SCN10A: variants seen among roughly 807,000 people sequenced by gnomAD.
The protein encoded by SCN10A is sodium channel protein type 10 subunit alpha.
In SCN10A, 162 loss-of-function variants were observed where a neutral mutation model predicts 170.7. The observed-to-expected ratio is 0.95, with a 90% CI of 0.84 to 1.08. The LOEUF is 1.08. SCN10A is among the 50% of genes least tolerant of loss of function. The pLI is 0.00. For synonymous variants in SCN10A, 985 were observed against 904.6 expected, an observed-to-expected ratio of 1.09 and a Z score of -1.59; for missense variants, 2,527 against 2,436.9, an observed-to-expected ratio of 1.04 and a Z score of -0.78.
rs767267531 is a variant in SCN10A, at chr3:38,698,155, T to C, written c.5065A>G (p.Arg1689Gly). Residue 1689 changes from arginine to glycine, a missense_variant, in exon 28 of 28, where the codon AGA becomes GGA. By Grantham distance (125) the Arg-to-Gly change is moderately radical. Transcript: ENST00000449082. Reference sequence around the variant, plus strand: ...ACGGCTGGGCTCCCACAGTCCCCTCTGGTGCCATTGCTGTTGGGCAGATTG... The same window carrying C: ...ACGGCTGGGCTCCCACAGTCCCCTCCGGTGCCATTGCTGTTGGGCAGATTG... ...DPNLPNSNGT[R>G]GDCGSPAVGI... 4 of 1,614,144 alleles carry C rather than the reference T, an allele frequency of 2.5e-6. No homozygotes were observed. Among genetic ancestry groups the C allele is most frequent in the African/African-American group, 2.7e-5 (2 of 75,024 alleles).
rs1453588625 is a variant in SCN10A at position 38,750,089 on chromosome 3, T to G, written c.1851A>C (p.Ile617=). 6.2e-7 allele frequency: 1 copy of G among 1,604,578 alleles called. No individual in the cohort carries two copies. The highest frequency in any genetic ancestry group is 1.1e-5 in the South Asian group (1 of 90,634). ...AQRAMSVVSI[I]TSVLEELEES... The stretch of plus-strand genomic sequence containing the variant: ...AGCACTTACCCTCAAGGACGGAGGT[T>G]ATGATACTGACAACACTCATTGCCC... Residue 617 remains isoleucine (I), a synonymous_variant, in exon 13 of 28, where the codon ATA becomes ATC. Coordinates refer to ENST00000449082, the MANE Select transcript of SCN10A (RefSeq NM_006514.4).
At chr3:38,778,802 G>T (rs1039664782) in intron 4 of SCN10A, among the ~76,000 whole-genome samples, 2 of 152,056 alleles carry the variant, frequency 1.3e-5, no homozygotes, top group African/African-American at 4.8e-5. Context: ...ATTTCAAAAA[G>T]AAAATCTAGT....
At chr3:38,734,953 G>C (rs1393419423) in intron 15 of SCN10A, among the ~76,000 whole-genome samples, 3 of 152,096 alleles carry the variant, frequency 2.0e-5, no homozygotes, top group African/African-American at 7.2e-5. Flanking sequence ...GGCAGATCAT[G>C]AGGTCAGGAG....
chr3:38,733,972 C>G (rs529879143), intron 15 of SCN10A, among the ~76,000 whole-genome samples: 3 of 151,702 alleles, frequency 2.0e-5, no homozygotes, highest in Non-Finnish European at 4.4e-5. Context: ...CGCCTGCCTG[C>G]GCCTCCAACA....
chr3:38,709,951 G>A (rs1339835940), intron 24 of SCN10A, among the ~76,000 whole-genome samples: 2 of 152,186 alleles, frequency 1.3e-5, no homozygotes, highest in African/African-American at 2.4e-5. Flanking sequence ...GGTAAGGGTT[G>A]CCCCTAGGGA....
At chr3:38,775,874 G>A (rs1417458378) in intron 4 of SCN10A, among the ~76,000 whole-genome samples, 2 of 152,088 alleles carry the variant, frequency 1.3e-5, no homozygotes, top group Non-Finnish European at 2.9e-5. Context: ...TATCTTACCA[G>A]CAGGAGTGCA....
At chr3:38,718,474 T>C (rs2063354847) in intron 21 of SCN10A, among the ~76,000 whole-genome samples, 179 bp downstream of exon 21, 1 of 152,260 alleles carries the variant, frequency 6.6e-6, no homozygotes, top group South Asian at 2.1e-4. Context: ...AGTCACATAC[T>C]GCCTGGACTT....
At chr3:38,708,701 A>G (rs1156595985) in intron 25 of SCN10A, among the ~76,000 whole-genome samples, 3 of 152,226 alleles carry the variant, frequency 2.0e-5, no homozygotes, top group Non-Finnish European at 4.4e-5. Context: ...ACCACAATCC[A>G]GAGAGTAGGT....
rs2063162396 is a variant in SCN10A, at chr3:38,702,070, G to T, written c.4426C>A (p.Gln1476Lys). 2 of 1,582,112 alleles carry T rather than the reference G, an allele frequency of 1.3e-6. No homozygotes were observed. The highest frequency in any genetic ancestry group is 1.8e-5 in the Admixed American group (1 of 54,946). ...QGFVFDIVTR[Q>K]AFDITIMVLI... ...ACCATGATGGTGATGTCAAAAGCTT[G>T]TCTGGTCACGATGTCAAAGACAAAA... Residue 1476 changes from glutamine to lysine, a missense_variant, in exon 27 of 28, where the codon CAA becomes AAA. By Grantham distance (53) the Gln-to-Lys change is moderately conservative. Transcript: ENST00000449082.
intron 15 of SCN10A, among the ~76,000 whole-genome samples, chr3:38,734,204 T>G (rs2063537827): frequency 6.6e-6 from 1 of 152,106 alleles, no homozygotes. Flanking sequence ...ATATTTTTAG[T>G]AGAGATGGGG....
intron 26 of SCN10A, among the ~76,000 whole-genome samples, chr3:38,704,320 T>G (rs1375569854): frequency 6.6e-6 from 1 of 152,204 alleles, no homozygotes; most frequent in Admixed American, 6.5e-5. Flanking sequence ...GCTGAGCCAC[T>G]AATCCCTTCC....
In SCN10A at chr3:38,752,481, C is replaced by T. The variant is rs372716583; in HGVS notation, c.1493G>A (p.Arg498Gln). 1.2e-4 allele frequency: 191 copies of T among 1,602,218 alleles called. 2 individuals are homozygous for T. The highest frequency in any genetic ancestry group is 5.1e-4 in the Admixed American group (30 of 58,748). ...ATGGAACACACTGCCATGACTAGCC[C>T]GGCGTTTTCCAGAGGCGAGGCCTAG... ...SFLGLASGKR[R>Q]ASHGSVFHFR... Residue 498 changes from arginine to glutamine, a missense_variant, in exon 12 of 28, where the codon CGG (arginine) becomes CAG (glutamine). Coordinates refer to ENST00000449082, the MANE Select transcript of SCN10A (RefSeq NM_006514.4).
intron 20 of SCN10A, among the ~76,000 whole-genome samples, chr3:38,720,460 G>A (rs1480760409): frequency 2.6e-5 from 4 of 152,090 alleles, no homozygotes; most frequent in Non-Finnish European, 5.9e-5. Flanking sequence ...GGAAATGGAT[G>A]ATTTTTTTTT....
chr3:38,771,370 T>A lies in SCN10A; in HGVS notation c.508A>T (p.Ile170Leu). Residue 170 changes from isoleucine (I) to leucine (L), a missense_variant, in exon 5 of 28, where the codon ATA (isoleucine) becomes TTA (leucine). Physicochemically the swap from Ile to Leu is conservative, Grantham distance 5. Transcript: ENST00000449082. ...FTVIYTFEAL[I>L]KILARGFCLN... ...CAAAATCCTCTTGCCAGTATCTTTA[T>A]CAAGGCTTCAAAGGTGTAAATGACA... is the stretch of plus-strand genomic sequence containing the variant. 6.2e-7 allele frequency: 1 copy of A among 1,614,126 alleles called. No individual in the cohort carries two copies. The highest frequency in any genetic ancestry group is 2.2e-5 in the East Asian group (1 of 44,882).
intron 5 of SCN10A, among the ~76,000 whole-genome samples, chr3:38,764,059 C>G (rs1046865174): frequency 5.9e-5 from 9 of 152,336 alleles, no homozygotes; most frequent in African/African-American, 1.7e-4. Flanking sequence ...CCAGGCCATA[C>G]AATTCCAAAT....
intron 27 of SCN10A, among the ~76,000 whole-genome samples, chr3:38,699,562 G>T (rs148778612): frequency 3.3e-5 from 5 of 152,276 alleles, no homozygotes; most frequent in Admixed American, 1.3e-4. Flanking sequence ...ATGCACATGG[G>T]TCACAATATT....
At chr3:38,698,981 C>T (rs1458913915) in intron 27 of SCN10A, among the ~76,000 whole-genome samples, 2 of 152,146 alleles carry the variant, frequency 1.3e-5, no homozygotes, top group Non-Finnish European at 2.9e-5. Flanking sequence ...GCCCTTTCCT[C>T]CACCCTGGTC....
chr3:38,808,023 A>G (rs1310858045), intron 1 of SCN10A, among the ~76,000 whole-genome samples: 1 of 152,178 alleles, frequency 6.6e-6, no homozygotes, highest in Non-Finnish European at 1.5e-5. Context: ...GATACCTTTC[A>G]AAGGCTTCTC....
chr3:38,785,475 A>G lies in SCN10A; in HGVS notation c.470+3481T>C, dbSNP rs563172047. On this transcript the variant is annotated intron_variant, in intron 4 of 27. Transcript: ENST00000449082. The stretch of plus-strand genomic sequence containing the variant: ...TCCCTTCCTTATACCTTACACAAAA[A>G]TTAACTCAAGATAGATTAAAGACTT... 1.9e-3 allele frequency among the ~76,000 whole-genome samples: 282 copies of G among 152,336 alleles called. 2 individuals carry two copies. Among genetic ancestry groups the G allele is most frequent in the Non-Finnish European group, 3.4e-3 (232 of 68,040 alleles).
Sources: allele counts gnomAD v4.1 joint callset (sites outside exome capture counted in the v4.1 genomes callset), GRCh38; gene constraint gnomAD v4.1.1; transcripts MANE v1.5; gene names NCBI Gene and HGNC (gene_info 2026-07-23, HGNC 2026-07-21).